TOP1MT: variants seen among roughly 807,000 people sequenced by gnomAD.
TOP1MT encodes DNA topoisomerase I, mitochondrial.
Under a neutral mutation model 73.9 loss-of-function variants are expected in TOP1MT, and 80 were observed. The observed-to-expected ratio is 1.08, with a 90% CI of 0.90 to 1.30. The LOEUF (loss-of-function observed/expected upper bound fraction) is 1.30. Ranked by LOEUF, TOP1MT falls within the 50% of genes most tolerant of loss-of-function variation. TOP1MT has a pLI of 0.00. For missense variants in TOP1MT, 815 were observed against 808.0 expected (o/e 1.01, Z -0.10); for synonymous variants, 338 against 326.4 (o/e 1.04, Z -0.38).
chr8:143,314,729 C>T (rs1272133023), intron 12 of TOP1MT, among the ~76,000 whole-genome samples: 1 of 152,014 alleles, frequency 6.6e-6, no homozygotes, highest in Non-Finnish European at 1.5e-5. Flanking sequence ...ACTGAGGGCA[C>T]GAGCTGTTCC....
At chr8:143,311,169 A>G (rs1816006338) in intron 12 of TOP1MT, among the ~76,000 whole-genome samples, 1 of 128,948 alleles carries the variant, frequency 7.8e-6, no homozygotes, top group Admixed American at 9.2e-5. Context: ...GGGTTTCACC[A>G]TGTTGGCCAT....
Position 143,327,689 on chromosome 8 carries a change from G to C in TOP1MT, c.361-1345C>G, listed in dbSNP as rs193001577. ...TAGTGACTGGAAGAAGTGCTGACCAGAGGGAGAATGAGGATGCCGGGCAGC... is the reference window on the plus strand; with the variant it reads ...TAGTGACTGGAAGAAGTGCTGACCACAGGGAGAATGAGGATGCCGGGCAGC... On this transcript the variant is annotated intron_variant, in intron 3 of 13. Coordinates refer to ENST00000329245, the MANE Select transcript of TOP1MT (RefSeq NM_052963.3). 5.3e-4 allele frequency: 206 copies of C among 390,696 alleles called. No homozygotes were observed. The East Asian group carries it at 5.3e-3, about 10-fold the overall frequency. 24.2% of individuals were successfully genotyped at this position (390,696 alleles called of 1,614,324 possible).
chr8:143,321,889 A>ACC (rs1816413334), intron 7 of TOP1MT, among the ~76,000 whole-genome samples: 1 of 99,858 alleles, frequency 1.0e-5, no homozygotes, highest in Non-Finnish European at 1.9e-5. Context: ...CGCACGCCAC[A>ACC]CACAGGCACG....
At chr8:143,322,943 CCACACACGCCA>C (rs1362932169) in intron 7 of TOP1MT, among the ~76,000 whole-genome samples, 2 of 95,588 alleles carry the variant, frequency 2.1e-5, no homozygotes, top group African/African-American at 3.5e-5. Flanking sequence ...CACAGGCACG[CCACACACGCCA>C]CACACGCACG....
intron 13 of TOP1MT, 189 bp from the exon 14 acceptor site, chr8:143,309,732 G>A: frequency 3.3e-6 from 5 of 1,531,684 alleles, no homozygotes. Context: ...TCAGCGAGGT[G>A]TCAAAGACAA....
intron 4 of TOP1MT, among the ~76,000 whole-genome samples, chr8:143,325,852 T>C (rs1001235750): frequency 3.9e-5 from 6 of 152,148 alleles, no homozygotes; most frequent in Non-Finnish European, 7.4e-5. Context: ...GCTAAGGGAA[T>C]CCCTGAGAAG....
Position 143,324,058 on chromosome 8 carries a change from A to G in TOP1MT, c.901T>C (p.Trp301Arg), listed in dbSNP as rs1267997973. Residue 301 changes from tryptophan (W) to arginine (R), a missense_variant, in exon 7 of 14, where the codon TGG becomes CGG. Coordinates refer to ENST00000329245, the MANE Select transcript of TOP1MT (RefSeq NM_052963.3). ...CTCGTCTTCATTTCCCGAGACTTCC[A>G]GTCAGCCCGGTACTGGGAGCGGATC... is the stretch of plus-strand genomic sequence containing the variant. ...DEIRSQYRAD[W>R]KSREMKTRQR... The G allele has an allele frequency of 6.2e-7, 1 of 1,613,900 alleles. No homozygotes were observed. The highest frequency in any genetic ancestry group is 8.5e-7 in the Non-Finnish European group (1 of 1,180,030).
chr8:143,321,807 C>T (rs1484691289), intron 7 of TOP1MT, among the ~76,000 whole-genome samples: 3 of 106,308 alleles, frequency 2.8e-5, no homozygotes, highest in Admixed American at 1.0e-4. Context: ...CACACACGCA[C>T]GCTACACACA....
rs111852314 is a variant in TOP1MT at position 143,321,477 on chromosome 8, C to CCACA, written c.961-95_961-92dup. ...CACACACGCACGCCACACACGCACG[C>CCACA]CACACGCACGCCACACACGCACGCC... On this transcript the variant is annotated intron_variant, in intron 7 of 13. Transcript: ENST00000329245. 74 of 1,001,168 alleles carry CCACA rather than the reference C, an allele frequency of 7.4e-5. 4 individuals carry two copies. The highest frequency in any genetic ancestry group is 9.9e-5 in the South Asian group (6 of 60,640). The allele number at this position is 1,001,168 out of a possible 1,614,324, so 62.0% of individuals were successfully genotyped here.
chr8:143,326,459 G>A, intron 3 of TOP1MT, 115 bp from the exon 4 acceptor site: 1 of 1,423,282 alleles, frequency 7.0e-7, no homozygotes, highest in South Asian at 1.3e-5. Context: ...GGAGGCGTGT[G>A]TGCAATAGGC....
chr8:143,317,250 C>T (rs1018322435), intron 10 of TOP1MT, among the ~76,000 whole-genome samples: 2 of 152,132 alleles, frequency 1.3e-5, no homozygotes, highest in Non-Finnish European at 2.9e-5. Context: ...GAGGCCCTCG[C>T]CAAGCTTAGA....
chr8:143,325,256 G>A (rs1393138263), intron 5 of TOP1MT, 90 bp downstream of exon 5: 2 of 1,179,980 alleles, frequency 1.7e-6, no homozygotes, highest in Non-Finnish European at 2.3e-6. Context: ...GTTTCTCGGT[G>A]TGCCTCCCTC....
At position 143,331,260 on chromosome 8, in the gene TOP1MT, C is replaced by A; in HGVS notation, c.202G>T (p.Glu68Ter). 8 of 1,611,556 alleles carry A rather than the reference C, an allele frequency of 5.0e-6. No homozygotes were observed. The highest frequency in any genetic ancestry group is 6.8e-6 in the Non-Finnish European group (8 of 1,178,106). Residue 68 changes from glutamate to a stop codon, truncating the protein, a stop_gained, in exon 2 of 14, where the codon GAG (glutamate) becomes TAG (stop). Transcript: ENST00000329245. LOFTEE classifies it high-confidence loss of function. ...AAACGCACTCCGTCGGGAAGGGGCT[C>A]GTATGGGGGTGCGAAGTACGGGCCC... ...HKGPYFAPPYEPLPDGVRFFY... is the reference protein window; with the variant it reads ...HKGPYFAPPY
rs759444586 is a variant in TOP1MT at position 143,325,469 on chromosome 8, T to C, written c.548A>G (p.Gln183Arg). 1.9e-6 allele frequency: 3 copies of C among 1,613,472 alleles called. No homozygotes were observed. Among genetic ancestry groups the C allele is most frequent in the Non-Finnish European group, 2.5e-6 (3 of 1,179,512 alleles). The change falls in exon 5 of 14, where the codon CAA becomes CGA. Residue 183 changes from glutamine (Q) to arginine (R), a missense_variant. Physicochemically the swap from Gln to Arg is conservative, Grantham distance 43. Around this residue, in one of 3 missense-constraint regions of TOP1MT, gnomAD observed 751 missense variants for 725.4 expected, o/e 1.04. Coordinates refer to ENST00000329245, the MANE Select transcript of TOP1MT (RefSeq NM_052963.3). ...AATCTTGAAGTTGCCTATTTTTTCTTGGTGACCATCTAAAATACAGTAGCC... is the reference window on the plus strand; with the variant it reads ...AATCTTGAAGTTGCCTATTTTTTCTCGGTGACCATCTAAAATACAGTAGCC... ...EFGYCILDGH[Q>R]EKIGNFKIEP...
Position 143,344,034 on chromosome 8 carries a change from G to C in TOP1MT, c.-38-748C>G, listed in dbSNP as rs913469866. On this transcript the variant is annotated intron_variant, in intron 1 of 5. Transcript: ENST00000518007. The surrounding 1 kb of genome is among the most constrained non-coding windows in gnomAD (Gnocchi z 4.6). ...TGAGATTTCTGAAAATCATGTTAGA[G>C]CCCTACTGAGGCAGAGGCCTGGGCC... 6.6e-6 allele frequency: 1 copy of C among 152,370 alleles called. No homozygotes were observed. The highest frequency in any genetic ancestry group is 2.4e-5 in the African/African-American group (1 of 41,478). 9.4% of individuals were successfully genotyped at this position (152,370 alleles called of 1,614,324 possible). A position where few individuals can be genotyped will look rare whatever the true frequency, so the allele number is the denominator to read the frequency against.
chr8:143,325,557 G>C lies in TOP1MT; in HGVS notation c.484-24C>G, dbSNP rs1390115404. 3 of 1,595,116 alleles carry C rather than the reference G, an allele frequency of 1.9e-6. No homozygotes were observed. The Admixed American group carries it at 5.0e-5, about 27-fold the overall frequency. Reference sequence around the variant, plus strand: ...TTCTGAGTTAATAAAACAGTCAGTGGACATTAGCAGTGAAGAGAAGAGAAC... The same window carrying C: ...TTCTGAGTTAATAAAACAGTCAGTGCACATTAGCAGTGAAGAGAAGAGAAC... On this transcript the variant is annotated intron_variant, in intron 4 of 13. Transcript: ENST00000329245.
chr8:143,350,270 C>T (rs1179611472), intron 1 of TOP1MT: 1 of 152,206 alleles, frequency 6.6e-6, no homozygotes, highest in Non-Finnish European at 1.5e-5. Context: ...TCACGCTCTC[C>T]ACAAAAACAA....
intron 1 of TOP1MT, chr8:143,332,686 AAGACGTAG>A (rs1816892150): frequency 2.9e-6 from 2 of 690,938 alleles, no homozygotes; most frequent in Non-Finnish European, 4.4e-6. Flanking sequence ...GCAAGGTTAG[AAGACGTAG>A]AGACGGAGCT....
intron 8 of TOP1MT, among the ~76,000 whole-genome samples, chr8:143,320,062 C>T (rs1365991560): frequency 2.0e-5 from 3 of 151,092 alleles, no homozygotes; most frequent in Non-Finnish European, 4.4e-5. Context: ...AGGCGGAGGT[C>T]GCAGTCAGCC....
Sources: gnomAD v4.1 joint callset for allele counts (sites outside exome capture counted in the v4.1 genomes callset) on GRCh38, gnomAD v4.1.1 for gene constraint, gnomAD v4.1.1 regional missense constraint, Gnocchi (gnomAD v3.1) non-coding constraint, MANE v1.5 for transcripts, NCBI Gene and HGNC (gene_info 2026-07-23, HGNC 2026-07-21) for gene names.